RDX: variants seen among roughly 807,000 people sequenced by gnomAD.
RDX encodes deafness, autosomal recessive 24.
Under a neutral mutation model 83.7 loss-of-function variants are expected in RDX, and 32 were observed. The ratio of observed to expected loss-of-function variants is 0.38; its 90% CI spans 0.29 to 0.51. The LOEUF is 0.51. Among genes scored for constraint, RDX ranks in the 20% least tolerant of loss-of-function variants. RDX has a pLI of 0.87. For missense variants in RDX, 600 were observed against 689.9 expected (o/e 0.87, Z 1.46); for synonymous variants, 229 against 222.7 (o/e 1.03, Z -0.25).
At chr11:110,242,996 T>G (rs923359693) in intron 10 of RDX, among the ~76,000 whole-genome samples, 3 of 152,170 alleles carry the variant, frequency 2.0e-5, no homozygotes, top group Non-Finnish European at 4.4e-5. Flanking sequence ...CCATGTGGTC[T>G]GTAAAGCATG....
intron 1 of RDX, among the ~76,000 whole-genome samples, chr11:110,294,705 A>G (rs1861375853): frequency 6.6e-6 from 1 of 151,116 alleles, no homozygotes; most frequent in African/African-American, 2.5e-5. Context: ...ACTTTCAGTT[A>G]ATTAATCACA....
intron 2 of RDX, among the ~76,000 whole-genome samples, chr11:110,278,405 T>C (rs1860603189): frequency 6.6e-6 from 1 of 152,166 alleles, no homozygotes; most frequent in Non-Finnish European, 1.5e-5. Flanking sequence ...TAAAGATCTC[T>C]ATACATATTT....
Position 110,231,758 on chromosome 11 carries a change from C to T in RDX, c.*111G>A. 2.6e-6 allele frequency: 3 copies of T among 1,171,032 alleles called. No homozygotes were observed. The highest frequency in any genetic ancestry group is 3.8e-6 in the Non-Finnish European group (3 of 787,610). 72.5% of individuals were successfully genotyped at this position (1,171,032 alleles called of 1,614,324 possible). A position where few individuals can be genotyped will look rare whatever the true frequency, so the allele number is the denominator to read the frequency against. ...TTGTCTTTTAGCTAGCACAGTCAAA[C>T]TGGTGTAAGTGCTTTGGCAAGGTGG... is the stretch of plus-strand genomic sequence containing the variant. On this transcript the variant is annotated 3_prime_UTR_variant, in exon 14 of 14. Transcript: ENST00000645495.
chr11:110,250,398 T>G (rs1859282026), intron 9 of RDX, among the ~76,000 whole-genome samples: 1 of 152,214 alleles, frequency 6.6e-6, no homozygotes, highest in Admixed American at 6.5e-5. Flanking sequence ...CACATCCAGT[T>G]CTGCCACAGT....
chr11:110,256,556 A>G (rs1234084747), intron 7 of RDX, among the ~76,000 whole-genome samples: 1 of 152,254 alleles, frequency 6.6e-6, no homozygotes, highest in East Asian at 1.9e-4. Flanking sequence ...AATTGCTCCA[A>G]TATGTGCCAG....
At chr11:110,223,650 G>C (rs1203554870) in intron 14 of RDX, among the ~76,000 whole-genome samples, 2 of 152,106 alleles carry the variant, frequency 1.3e-5, no homozygotes, top group East Asian at 3.9e-4. Context: ...GAACTAGATT[G>C]TATTAGGAAT....
At chr11:110,240,093 A>T (rs1865022827) in intron 10 of RDX, among the ~76,000 whole-genome samples, 1 of 152,250 alleles carries the variant, frequency 6.6e-6, no homozygotes, top group Non-Finnish European at 1.5e-5. Flanking sequence ...TATATTGGAG[A>T]TAGTTGTACT....
intron 15 of RDX, among the ~76,000 whole-genome samples, chr11:110,188,513 G>T (rs2134224163): frequency 6.6e-6 from 1 of 152,162 alleles, no homozygotes; most frequent in South Asian, 2.1e-4. Flanking sequence ...TAGGAGGAAG[G>T]ATGGGAGGGG....
At position 110,254,063 on chromosome 11, in the gene RDX, A is replaced by G. The variant is rs779319068; in HGVS notation, c.842T>C (p.Leu281Ser). The change falls in exon 9 of 14, where the codon TTG becomes TCG. Residue 281 changes from leucine (L) to serine (S), a missense_variant. Physicochemically the swap from Leu to Ser is moderately radical, Grantham distance 145. Transcript: ENST00000645495. ...APRLRINKRI[L>S]ALCMGNHELY... ...TTCATGGTTTCCCATACATAAGGCC[A>G]AAATCCGCTTATTGATTCTCAGACG... 6.2e-7 allele frequency: 1 copy of G among 1,613,666 alleles called. No individual in the cohort carries two copies. The highest frequency in any genetic ancestry group is 1.1e-5 in the South Asian group (1 of 91,068).
chr11:110,290,605 T>C (rs959452889), intron 1 of RDX, among the ~76,000 whole-genome samples: 5 of 152,246 alleles, frequency 3.3e-5, no homozygotes, highest in Non-Finnish European at 4.4e-5. Flanking sequence ...TTACTCATCT[T>C]TCCATTCTCA....
At chr11:110,264,361 G>A in intron 4 of RDX, 127 bp from the exon 5 acceptor site, 11 of 679,592 alleles carry the variant, frequency 1.6e-5, no homozygotes, top group Non-Finnish European at 2.7e-5. Context: ...AGATTTTAGT[G>A]TGTAATAGTC....
chr11:110,282,253 T>C (rs1337346285), intron 1 of RDX, among the ~76,000 whole-genome samples: 1 of 152,214 alleles, frequency 6.6e-6, no homozygotes, highest in Non-Finnish European at 1.5e-5. Flanking sequence ...GTTGTTTAGA[T>C]TACATAAGCA....
chr11:110,199,971 C>A (rs1863346310), intron 14 of RDX, among the ~76,000 whole-genome samples: 1 of 152,172 alleles, frequency 6.6e-6, no homozygotes, highest in Non-Finnish European at 1.5e-5. Flanking sequence ...CACAAGCTAA[C>A]TAGTCTCTTT....
intron 15 of RDX, among the ~76,000 whole-genome samples, chr11:110,187,538 A>G (rs1863011005): frequency 6.6e-6 from 1 of 152,046 alleles, no homozygotes; most frequent in African/African-American, 2.4e-5. Flanking sequence ...GCACCCACTC[A>G]CTCTCCTAGA....
intron 9 of RDX, among the ~76,000 whole-genome samples, chr11:110,249,087 C>G (rs1464323117): frequency 1.3e-5 from 2 of 152,120 alleles, no homozygotes; most frequent in Non-Finnish European, 2.9e-5. Context: ...GGGTCAGAAT[C>G]TATGTTAGGG....
chr11:110,281,897 T>C (rs1860777470), intron 1 of RDX, among the ~76,000 whole-genome samples: 1 of 147,608 alleles, frequency 6.8e-6, no homozygotes, highest in South Asian at 2.1e-4. Flanking sequence ...GCCCAGGAGT[T>C]TGAGACCAGC....
chr11:110,262,850 G>A (rs1859859484), intron 5 of RDX, among the ~76,000 whole-genome samples: 1 of 152,082 alleles, frequency 6.6e-6, no homozygotes, highest in African/African-American at 2.4e-5. Context: ...CAAAATTTAG[G>A]TCTTCTGATA....
rs577527537 is a variant in RDX at position 110,232,591 on chromosome 11, TTAAC to T, written c.1588-562_1588-559del. ...TATGTAATGTCTTAAACATAGTATA[TTAAC>T]TATCATTCTTTCCAATGTACATTTT... On this transcript the variant is annotated intron_variant, in intron 13 of 13. Coordinates refer to ENST00000645495, the MANE Select transcript of RDX (RefSeq NM_002906.4). Among the ~76,000 whole-genome samples, 379 of 152,294 alleles carry T rather than the reference TTAAC, an allele frequency of 2.5e-3. 4 individuals carry two copies. Among genetic ancestry groups the T allele is most frequent in the Non-Finnish European group, 3.0e-3 (201 of 68,022 alleles).
At chr11:110,289,480 T>C (rs893454349) in intron 1 of RDX, among the ~76,000 whole-genome samples, 1 of 152,120 alleles carries the variant, frequency 6.6e-6, no homozygotes, top group African/African-American at 2.4e-5. Flanking sequence ...GTTTTTATAG[T>C]TTTTCTAAGT....
Sources: allele counts gnomAD v4.1 joint callset (sites outside exome capture counted in the v4.1 genomes callset), GRCh38; gene constraint gnomAD v4.1.1; transcripts MANE v1.5; gene names NCBI Gene and HGNC (gene_info 2026-07-23, HGNC 2026-07-21).